Variants in NBPF20 observed in about 807,000 individuals in gnomAD.
The protein encoded by NBPF20 is NBPF family member NBPF20.
NBPF20 carries 90 observed loss-of-function variants against 68.1 expected under a neutral mutation model. The observed-to-expected ratio is 1.32, with a 90% confidence interval of 1.11 to 1.58. The LOEUF (loss-of-function observed/expected upper bound fraction) is 1.58, where lower values mean the gene tolerates loss of function less well. Among genes scored for constraint, NBPF20 ranks in the 40% most tolerant of loss-of-function variants. The pLI is 0.00. For synonymous variants in NBPF20, 290 were observed against 228.1 expected, an observed-to-expected ratio of 1.27 and a Z score of -2.45; for missense variants, 816 against 601.2, an observed-to-expected ratio of 1.36 and a Z score of -3.74.
exon 8 of NBPF20, chr1:145,395,027 T>G: frequency 6.2e-7 from 1 of 1,611,570 alleles, no homozygotes; most frequent in Non-Finnish European, 8.5e-7. Flanking sequence ...ATGAGTGAAA[T>G]GTGCTGCTGT....
At chr1:145,307,183 A>G (rs1661422623) in intron 118 of NBPF20, among the ~76,000 whole-genome samples, 2 of 31,510 alleles carry the variant, frequency 6.3e-5, no homozygotes, top group African/African-American at 1.9e-4. Context: ...CAAACCCTTC[A>G]GTCCAAATCA....
At chr1:145,397,302 T>A (rs1415226723) in intron 7 of NBPF20, among the ~76,000 whole-genome samples, 1 of 152,114 alleles carries the variant, frequency 6.6e-6, no homozygotes, top group African/African-American at 2.4e-5. Flanking sequence ...GATGGCTGGG[T>A]CAAATGGTAT....
intron 2 of NBPF20, 121 bp downstream of exon 7, chr1:145,404,977 C>CA (rs1378668658): frequency 4.4e-6 from 6 of 1,351,586 alleles, no homozygotes; most frequent in Admixed American, 3.4e-5. Flanking sequence ...TTAAAATACC[C>CA]ATTTCTGTTT....
the NBPF20 span, among the ~76,000 whole-genome samples, chr1:145,412,202 C>T: frequency 2.0e-5 from 3 of 151,824 alleles, no homozygotes; most frequent in Non-Finnish European, 4.4e-5. Flanking sequence ...ACTGAATTAC[C>T]TCCAAATGTT....
At chr1:145,408,439 G>A (rs1662894390), upstream of NBPF20, among the ~76,000 whole-genome samples, 1 of 151,888 alleles carries the variant, frequency 6.6e-6, no homozygotes, top group African/African-American at 2.4e-5. Flanking sequence ...GTACATATGT[G>A]GGCATATTGT....
rs1303319654 is a variant in NBPF20 at position 145,402,632 on chromosome 1, G to A, written c.279-251C>T. Among the ~76,000 whole-genome samples, 86 of 151,404 alleles carry A rather than the reference G, an allele frequency of 5.7e-4. 1 individual carries two copies. Among genetic ancestry groups the A allele is most frequent in the Non-Finnish European group, 1.1e-3 (78 of 67,896 alleles). The stretch of plus-strand genomic sequence containing the variant: ...TCTTTCCCTTCTGTAAACAAAAGTA[G>A]GTGTCTTCCTAATTCCGTTTCAAAA... On this transcript the variant is annotated intron_variant, in intron 3 of 137. Coordinates refer to ENST00000369373, the Ensembl canonical transcript of NBPF20.
At chr1:145,406,108 T>A (rs1260253768), upstream of NBPF20, among the ~76,000 whole-genome samples, 11 of 144,086 alleles carry the variant, frequency 7.6e-5, no homozygotes, top group African/African-American at 2.8e-4. Context: ...TTTTTTTTTT[T>A]GTATTTTTAG....
exon 6 of NBPF20, chr1:145,400,506 C>A: frequency 6.2e-7 from 1 of 1,612,972 alleles, no homozygotes; most frequent in Non-Finnish European, 8.5e-7. Flanking sequence ...TGGTTGGAGT[C>A]ATAAGGGCCA....
intron 7 of NBPF20, among the ~76,000 whole-genome samples, chr1:145,397,956 T>C (rs1571367986): frequency 6.6e-6 from 1 of 152,182 alleles, no homozygotes; most frequent in East Asian, 1.9e-4. Context: ...TAAAACAGAC[T>C]TTAAACCAAC....
intron 7 of NBPF20, among the ~76,000 whole-genome samples, chr1:145,397,585 C>T (rs1662318259): frequency 6.6e-6 from 1 of 152,098 alleles, no homozygotes; most frequent in African/African-American, 2.4e-5. Flanking sequence ...CTAAAGGAAG[C>T]AGTAAACATG....
chr1:145,292,392 T>G, exon 137 of NBPF20: 5 of 683,022 alleles, frequency 7.3e-6, no homozygotes, highest in East Asian at 2.6e-5. Context: ...TGGGGCATGG[T>G]GGGTTTTGAT....
intron 9 of NBPF20, 124 bp from the exon 15 acceptor site, chr1:145,393,370 G>T (rs1420990228): frequency 8.8e-5 from 62 of 705,886 alleles, no homozygotes; most frequent in Non-Finnish European, 1.4e-4. Flanking sequence ...CATTAATGAG[G>T]TAAGAAATTA....
exon 2 of NBPF20, chr1:145,405,303 A>C (rs782258402): frequency 3.8e-6 from 6 of 1,589,312 alleles, no homozygotes; most frequent in Admixed American, 1.7e-5. Flanking sequence ...AGGTGGAGTC[A>C]GGGACTGGGG....
intron 7 of NBPF20, among the ~76,000 whole-genome samples, chr1:145,396,343 T>C (rs1314664481): frequency 6.6e-6 from 1 of 151,406 alleles, no homozygotes; most frequent in Non-Finnish European, 1.5e-5. Flanking sequence ...CCAATAAATA[T>C]GGGACTATGT....
intron 9 of NBPF20, among the ~76,000 whole-genome samples, chr1:145,393,490 C>CAG (rs1270172272): frequency 1.4e-5 from 2 of 143,130 alleles, no homozygotes; most frequent in South Asian, 2.3e-4. Flanking sequence ...CACACACACA[C>CAG]AGAGCGAGCT....
the NBPF20 span, among the ~76,000 whole-genome samples, chr1:145,415,824 ATCTC>A: frequency 2.6e-5 from 4 of 151,152 alleles, no homozygotes; most frequent in Admixed American, 1.3e-4. Flanking sequence ...TAACAATCTG[ATCTC>A]TCTTTCTTTT....
Position 145,400,385 on chromosome 1 carries a change from C to A in NBPF20, c.775+1G>T, listed in dbSNP as rs1553664988. 40 of 1,612,510 alleles carry A rather than the reference C, an allele frequency of 2.5e-5. No homozygotes were observed. On this transcript the variant is annotated splice_donor_variant, in intron 6 of 137. Transcript: ENST00000369373. LOFTEE classifies it high-confidence loss of function. Reference sequence around the variant, plus strand: ...GTATGAGACACAAGGAAAACAGAGGCTACCTGGAATAATGTGTACAGCATC... The same window carrying A: ...GTATGAGACACAAGGAAAACAGAGGATACCTGGAATAATGTGTACAGCATC...
exon 138 of NBPF20, chr1:145,291,325 C>T (rs587662557): frequency 2.6e-4 from 206 of 788,618 alleles, no homozygotes; most frequent in Admixed American, 2.3e-3. Flanking sequence ...GTTATGTGAA[C>T]GTGTCACACC....
At chr1:145,396,552 A>T (rs1396008243) in intron 7 of NBPF20, among the ~76,000 whole-genome samples, 1 of 151,646 alleles carries the variant, frequency 6.6e-6, no homozygotes, top group East Asian at 2.0e-4. Context: ...CTTAATTGTC[A>T]GATTCACCAA....
Sources: gnomAD v4.1 joint callset for allele counts (sites outside exome capture counted in the v4.1 genomes callset) on GRCh38, gnomAD v4.1.1 for gene constraint, MANE v1.5 for transcripts, NCBI Gene and HGNC (gene_info 2026-07-23, HGNC 2026-07-21) for gene names.